The following PIGK variants were observed in gnomAD, a reference collection of about 807,000 sequenced individuals.
PIGK encodes GPI-anchor transamidase.
In PIGK, 42 loss-of-function variants were observed where a neutral mutation model predicts 50.6. That is an observed-to-expected ratio of 0.83 (90% confidence interval 0.65 to 1.07). The LOEUF (loss-of-function observed/expected upper bound fraction) is 1.07, where lower values mean the gene tolerates loss of function less well. PIGK is among the 50% of genes least tolerant of loss of function. The pLI is 0.00. For synonymous variants in PIGK, 151 were observed against 156.0 expected (o/e 0.97, Z 0.24); for missense variants, 448 against 488.7 (o/e 0.92, Z 0.78).
At chr1:77,104,084 A>G (rs1653611848) in intron 10 of PIGK, among the ~76,000 whole-genome samples, 1 of 152,102 alleles carries the variant, frequency 6.6e-6, no homozygotes, top group Non-Finnish European at 1.5e-5. Context: ...CAATTCTTAA[A>G]GTGATCAAAC....
chr1:77,191,384 G>C (rs552697599), intron 3 of PIGK, among the ~76,000 whole-genome samples: 1 of 151,980 alleles, frequency 6.6e-6, no homozygotes. Context: ...ATAATGATCT[G>C]TACTGACTTA....
chr1:77,200,447 C>T (rs1305677571), intron 3 of PIGK, among the ~76,000 whole-genome samples: 1 of 152,002 alleles, frequency 6.6e-6, no homozygotes, highest in South Asian at 2.1e-4. Flanking sequence ...TCAACATATA[C>T]ACATTTTAGA....
chr1:77,208,495 T>C (rs1656342862), intron 2 of PIGK, among the ~76,000 whole-genome samples: 1 of 152,102 alleles, frequency 6.6e-6, no homozygotes, highest in Admixed American at 6.6e-5. Flanking sequence ...TTGCAATTGG[T>C]GGTCTGCACA....
At chr1:77,200,242 C>T (rs896031334) in intron 3 of PIGK, among the ~76,000 whole-genome samples, 2 of 151,710 alleles carry the variant, frequency 1.3e-5, no homozygotes, top group East Asian at 1.9e-4. Context: ...TACAGAAGCA[C>T]GTACCATAGC....
chr1:77,190,168 G>A (rs772570498), intron 3 of PIGK, among the ~76,000 whole-genome samples: 3 of 151,838 alleles, frequency 2.0e-5, no homozygotes, highest in Non-Finnish European at 4.4e-5. Context: ...TGGGAGGATC[G>A]TTTGAGGCCA....
At chr1:77,167,628 C>T (rs1307724020) in intron 4 of PIGK, among the ~76,000 whole-genome samples, 1 of 152,048 alleles carries the variant, frequency 6.6e-6, no homozygotes, top group Non-Finnish European at 1.5e-5. Context: ...ACCTGTAGTC[C>T]CTGCTACTCA....
intron 3 of PIGK, among the ~76,000 whole-genome samples, chr1:77,193,813 T>C (rs1409125735): frequency 1.3e-5 from 2 of 152,050 alleles, no homozygotes; most frequent in East Asian, 1.9e-4. Context: ...CCAAAAGCAA[T>C]TGCAACGAAA....
intron 9 of PIGK, among the ~76,000 whole-genome samples, chr1:77,151,772 G>A (rs180761423): frequency 3.2e-4 from 48 of 152,012 alleles, no homozygotes; most frequent in Admixed American, 1.8e-3. Context: ...AATAATCTAG[G>A]AATAAATTTT....
rs145367697 is a variant in PIGK at position 77,201,610 on chromosome 1, A to G, written c.239+5030T>C. 9.7e-3 allele frequency among the ~76,000 whole-genome samples: 1,468 copies of G among 152,016 alleles called. 10 individuals carry two copies. Among genetic ancestry groups the G allele is most frequent in the Non-Finnish European group, 0.016 (1,098 of 67,924 alleles). ...CCTTGTCTCTATTAAAAATACAAAA[A>G]CACACCTGAAATCCCAGCTACTCAG... On this transcript the variant is annotated intron_variant, in intron 3 of 10. Coordinates refer to ENST00000370812, the MANE Select transcript of PIGK (RefSeq NM_005482.3).
intron 3 of PIGK, among the ~76,000 whole-genome samples, chr1:77,189,736 TATATATATATATACACACAC>T (rs1248405524): frequency 4.2e-3 from 135 of 31,970 alleles, no homozygotes; most frequent in African/African-American, 7.3e-3. Flanking sequence ...TATATATATA[TATATATATATATACACACAC>T]ACACACACAC....
chr1:77,172,202 A>C (rs1298175912), intron 3 of PIGK, among the ~76,000 whole-genome samples: 1 of 152,006 alleles, frequency 6.6e-6, no homozygotes, highest in Non-Finnish European at 1.5e-5. Context: ...ATAGGTAGAC[A>C]AGATTGAAAA....
chr1:77,215,079 G>A (rs757671840), intron 1 of PIGK, among the ~76,000 whole-genome samples: 7 of 152,096 alleles, frequency 4.6e-5, no homozygotes, highest in South Asian at 2.1e-4. Flanking sequence ...ATCACCTAAA[G>A]TGATCTACAG....
chr1:77,170,138 T>C (rs1161004260), intron 3 of PIGK, among the ~76,000 whole-genome samples: 1 of 152,226 alleles, frequency 6.6e-6, no homozygotes, highest in Non-Finnish European at 1.5e-5. Context: ...TTATTAAATG[T>C]TCCCACTTAA....
intron 3 of PIGK, among the ~76,000 whole-genome samples, chr1:77,203,465 C>G (rs1156495697): frequency 6.6e-6 from 1 of 152,108 alleles, no homozygotes; most frequent in East Asian, 1.9e-4. Flanking sequence ...CTGCATGGAA[C>G]TTAGATAAGA....
At chr1:77,165,403 G>C (rs1655212423) in intron 5 of PIGK, among the ~76,000 whole-genome samples, 1 of 151,826 alleles carries the variant, frequency 6.6e-6, no homozygotes, top group Non-Finnish European at 1.5e-5. Flanking sequence ...ATTAAGCCTT[G>C]AAAGTTATAA....
chr1:77,169,499 T>A, intron 3 of PIGK, 104 bp from the exon 4 acceptor site: 27 of 836,954 alleles, frequency 3.2e-5, no homozygotes, highest in South Asian at 1.4e-4. Flanking sequence ...TTCTCCTCCT[T>A]AAAAAAAAAT....
chr1:77,159,930 G>T (rs1475972138), intron 8 of PIGK, among the ~76,000 whole-genome samples: 1 of 152,114 alleles, frequency 6.6e-6, no homozygotes, highest in Non-Finnish European at 1.5e-5. Flanking sequence ...GGGAAGGCAC[G>T]ATTGGTTTTG....
At chr1:77,101,007 C>T (rs999000339) in intron 10 of PIGK, among the ~76,000 whole-genome samples, 4 of 152,184 alleles carry the variant, frequency 2.6e-5, no homozygotes, top group Admixed American at 6.5e-5. Context: ...TATGCCTGGA[C>T]TCCTGACTCA....
At chr1:77,140,708 A>G (rs576811649) in intron 9 of PIGK, among the ~76,000 whole-genome samples, 17 of 152,332 alleles carry the variant, frequency 1.1e-4, no homozygotes, top group African/African-American at 1.7e-4. Context: ...AAACAAAAAA[A>G]ACCACTACAT....
Sources: gnomAD v4.1 joint callset for allele counts (sites outside exome capture counted in the v4.1 genomes callset) on GRCh38, gnomAD v4.1.1 for gene constraint, MANE v1.5 for transcripts, NCBI Gene and HGNC (gene_info 2026-07-23, HGNC 2026-07-21) for gene names.